Variants in CPE observed in about 807,000 individuals in gnomAD.
CPE encodes the protein carbocypeptidase E.
Under a neutral mutation model 53.5 loss-of-function variants are expected in CPE, and 17 were observed. The ratio of observed to expected loss-of-function variants is 0.32; its 90% CI spans 0.22 to 0.48. The LOEUF (loss-of-function observed/expected upper bound fraction) is 0.48. CPE is among the 20% of genes least tolerant of loss of function. The probability of loss-of-function intolerance (pLI) is 0.99; values close to 1 mark genes in which losing one functional copy is unlikely to be tolerated. For missense variants in CPE, 524 were observed against 614.7 expected (o/e 0.85, Z 1.56); for synonymous variants, 226 against 228.8 (o/e 0.99, Z 0.11).
chr4:165,473,960 A>G (rs1579277974), intron 3 of CPE, among the ~76,000 whole-genome samples: 1 of 152,228 alleles, frequency 6.6e-6, no homozygotes, highest in African/African-American at 2.4e-5. Flanking sequence ...TTTGGCCCTC[A>G]GGGCATCCAA....
rs547831491 is a variant in CPE at position 165,404,734 on chromosome 4, A to G, written c.307+25206A>G. The G allele has an allele frequency of 8.8e-5, 72 of 815,000 alleles. 1 individual carries two copies. In the African/African-American group the frequency reaches 1.1e-3, roughly 13 times the overall value. The allele number at this position is 815,000 out of a possible 1,614,324, so 50.5% of individuals were successfully genotyped here. Reference sequence around the variant, plus strand: ...ACCTGGTAGTATAGAAGCCAGGTCCATCCTTAACCACAATGATGACCTTCC... The same window carrying G: ...ACCTGGTAGTATAGAAGCCAGGTCCGTCCTTAACCACAATGATGACCTTCC... On this transcript the variant is annotated intron_variant, in intron 1 of 8. Coordinates refer to ENST00000402744, the MANE Select transcript of CPE (RefSeq NM_001873.4).
At chr4:165,404,620 G>T in intron 1 of CPE, 1 of 1,128,336 alleles carries the variant, frequency 8.9e-7, no homozygotes, top group Non-Finnish European at 1.4e-6. Context: ...CCACAGGAAG[G>T]CCAAGGCTTG....
In CPE at chr4:165,379,831, G is replaced by T. The variant is rs1269289082; in HGVS notation, c.307+303G>T. ...GGGAGGCTGGGGTGGCGGGGGATGG[G>T]GGGGATAGCAATACAGAAAAAACAA... On this transcript the variant is annotated intron_variant, in intron 1 of 8. Coordinates refer to ENST00000402744, the MANE Select transcript of CPE (RefSeq NM_001873.4). This position sits in a 1 kb window ranked among gnomAD's most constrained non-coding sequence, Gnocchi z 6.0. 2.6e-5 allele frequency among the ~76,000 whole-genome samples: 4 copies of T among 152,204 alleles called. No individual in the cohort carries two copies. The highest frequency in any genetic ancestry group is 2.6e-4 in the Admixed American group (4 of 15,290).
chr4:165,437,721 G>C (rs971432048), intron 1 of CPE, among the ~76,000 whole-genome samples: 2 of 152,126 alleles, frequency 1.3e-5, no homozygotes, highest in Non-Finnish European at 2.9e-5. Context: ...AGCCAATCTG[G>C]GAGCAATCTG....
chr4:165,485,012 T>G (rs1231560233), intron 5 of CPE, among the ~76,000 whole-genome samples: 6 of 152,320 alleles, frequency 3.9e-5, no homozygotes, highest in African/African-American at 1.4e-4. Flanking sequence ...CATAACCTGG[T>G]GCACAGTACT....
intron 3 of CPE, among the ~76,000 whole-genome samples, chr4:165,473,796 A>C (rs573066036): frequency 1.3e-5 from 2 of 152,310 alleles, no homozygotes; most frequent in East Asian, 3.9e-4. Flanking sequence ...ATTAGCACAG[A>C]GTAGGCAGCT....
chr4:165,389,132 C>T (rs1045616228), intron 1 of CPE, among the ~76,000 whole-genome samples: 1 of 152,106 alleles, frequency 6.6e-6, no homozygotes, highest in Non-Finnish European at 1.5e-5. Context: ...AGATAAATCT[C>T]ATGTGAATAC....
At chr4:165,392,363 T>TA (rs1730697080) in intron 1 of CPE, among the ~76,000 whole-genome samples, 1 of 146,426 alleles carries the variant, frequency 6.8e-6, no homozygotes, top group Admixed American at 7.0e-5. Context: ...TATACATATA[T>TA]CATATATTTA....
Position 165,464,580 on chromosome 4 carries a change from G to A in CPE, c.498G>A (p.Ala166=), listed in dbSNP as rs1456096312. ...ACCCAGATGGCTTTGAGAAGGCAGCGTCTCAGGTGAGTGCCAGGCAGCTCA... is the reference window on the plus strand; with the variant it reads ...ACCCAGATGGCTTTGAGAAGGCAGCATCTCAGGTGAGTGCCAGGCAGCTCA... ...SLNPDGFEKA[A]SQPGELKDWF... Residue 166 remains alanine, a synonymous_variant, in exon 2 of 9, where the codon GCG becomes GCA. Transcript: ENST00000402744. The A allele has an allele frequency of 2.5e-6, 4 of 1,608,884 alleles. No individual in the cohort carries two copies. Among genetic ancestry groups the A allele is most frequent in the East Asian group, 2.2e-5 (1 of 44,712 alleles).
At chr4:165,397,636 C>T (rs565430158) in intron 1 of CPE, among the ~76,000 whole-genome samples, 2 of 152,174 alleles carry the variant, frequency 1.3e-5, no homozygotes, top group South Asian at 2.1e-4. Flanking sequence ...GATTATACAA[C>T]GTATTTCCAA....
intron 6 of CPE, among the ~76,000 whole-genome samples, chr4:165,488,142 G>T (rs1732540454): frequency 6.6e-6 from 1 of 152,072 alleles, no homozygotes; most frequent in Non-Finnish European, 1.5e-5. Context: ...GTAATAGTTA[G>T]TTCATTTAAT....
At position 165,467,790 on chromosome 4, in the gene CPE, A is replaced by G; in HGVS notation, c.607A>G (p.Lys203Glu). Residue 203 changes from lysine (K) to glutamate (E), a missense_variant, in exon 3 of 9, where the codon AAA becomes GAA. Coordinates refer to ENST00000402744, the MANE Select transcript of CPE (RefSeq NM_001873.4). ...DLDRIVYVNEKEGGPNNHLLK... is the reference protein window; with the variant it reads ...DLDRIVYVNEEEGGPNNHLLK... The stretch of plus-strand genomic sequence containing the variant: ...GGATAGGATAGTGTACGTGAATGAG[A>G]AAGAAGGTGGTCCAAATAATCATCT... 2 of 1,613,906 alleles carry G rather than the reference A, an allele frequency of 1.2e-6. No individual in the cohort carries two copies. Among genetic ancestry groups the G allele is most frequent in the Non-Finnish European group, 8.5e-7 (1 of 1,179,892 alleles).
chr4:165,488,906 C>G (rs1222173465), intron 6 of CPE, among the ~76,000 whole-genome samples: 1 of 151,942 alleles, frequency 6.6e-6, no homozygotes, highest in Non-Finnish European at 1.5e-5. Context: ...TTACACATGT[C>G]AAATATCCAT....
intron 6 of CPE, 28 bp downstream of exon 6, chr4:165,487,605 C>T (rs769834367): frequency 1.2e-6 from 2 of 1,612,672 alleles, no homozygotes; most frequent in Non-Finnish European, 1.7e-6. Context: ...CATAAAAATG[C>T]AAGGTTTACA....
intron 1 of CPE, among the ~76,000 whole-genome samples, chr4:165,417,271 G>A (rs1221223793): frequency 2.0e-5 from 3 of 152,126 alleles, no homozygotes; most frequent in Non-Finnish European, 4.4e-5. Context: ...TAGAAGTCAA[G>A]TGTAGCCATA....
At chr4:165,467,443 G>T (rs1402190008) in intron 2 of CPE, among the ~76,000 whole-genome samples, 1 of 152,216 alleles carries the variant, frequency 6.6e-6, no homozygotes, top group African/African-American at 2.4e-5. Context: ...ATAGTCTTAT[G>T]GGATCACTGC....
In CPE at chr4:165,482,339, C is replaced by T. The variant is rs1340220298; in HGVS notation, c.770C>T (p.Pro257Leu). The T allele has an allele frequency of 1.2e-6, 2 of 1,612,494 alleles. No individual in the cohort carries two copies. The highest frequency in any genetic ancestry group is 1.7e-6 in the Non-Finnish European group (2 of 1,178,608). ...LHGGDLVANYPYDETRSGSAH... is the reference protein window; with the variant it reads ...LHGGDLVANYLYDETRSGSAH... Reference sequence around the variant, plus strand: ...GGAGGAGACCTTGTGGCCAATTATCCATATGATGAGACGCGGAGTGGTAGG... The same window carrying T: ...GGAGGAGACCTTGTGGCCAATTATCTATATGATGAGACGCGGAGTGGTAGG... The change falls in exon 4 of 9, where the codon CCA becomes CTA. Residue 257 changes from proline (P) to leucine (L), a missense_variant. Coordinates refer to ENST00000402744, the MANE Select transcript of CPE (RefSeq NM_001873.4).
At chr4:165,456,607 C>A (rs1359095688) in intron 1 of CPE, among the ~76,000 whole-genome samples, 1 of 151,976 alleles carries the variant, frequency 6.6e-6, no homozygotes. Flanking sequence ...TGCTCTGTCG[C>A]CCAGGCTGGA....
At chr4:165,429,978 A>G (rs1432498760) in intron 1 of CPE, among the ~76,000 whole-genome samples, 1 of 152,192 alleles carries the variant, frequency 6.6e-6, no homozygotes, top group Non-Finnish European at 1.5e-5. Flanking sequence ...ATGTTGGGAG[A>G]AATTCTGCAG....
Sources: allele counts gnomAD v4.1 joint callset (sites outside exome capture counted in the v4.1 genomes callset), GRCh38; gene constraint gnomAD v4.1.1; non-coding constraint Gnocchi (gnomAD v3.1); transcripts MANE v1.5; gene names NCBI Gene and HGNC (gene_info 2026-07-23, HGNC 2026-07-21).